Variants in CDH3 observed in about 807,000 individuals in gnomAD.
CDH3 encodes cadherin-3.
CDH3 carries 54 observed loss-of-function variants against 82.0 expected under a neutral mutation model. The observed-to-expected ratio is 0.66, with a 90% CI of 0.53 to 0.83. The LOEUF is 0.83. CDH3 is among the 40% of genes least tolerant of loss of function. CDH3 has a pLI of 0.00. For synonymous variants in CDH3, 446 were observed against 437.9 expected (o/e 1.02, Z -0.23); for missense variants, 1,054 against 1,084.6 (o/e 0.97, Z 0.40).
chr16:68,711,787 C>G (rs977683502), intron 1 of CDH3, among the ~76,000 whole-genome samples: 20 of 152,168 alleles, frequency 1.3e-4, no homozygotes, highest in Admixed American at 5.9e-4. Flanking sequence ...GGCACTGACT[C>G]ACAGAGAGGA....
intron 1 of CDH3, among the ~76,000 whole-genome samples, chr16:68,715,268 A>G (rs1016378922): frequency 1.3e-4 from 20 of 151,774 alleles, no homozygotes; most frequent in Non-Finnish European, 2.9e-5. Flanking sequence ...TCTACTAAAA[A>G]TACAAAAAAT....
chr16:68,729,676 G>A (rs1182053574), downstream of CDH3, among the ~76,000 whole-genome samples: 8 of 152,034 alleles, frequency 5.3e-5, no homozygotes, highest in Admixed American at 3.3e-4. Context: ...TCTCTTGCCC[G>A]GCTGGAGTGC....
At chr16:68,704,575 G>A (rs1039972958), downstream of CDH3, among the ~76,000 whole-genome samples, 1 of 152,234 alleles carries the variant, frequency 6.6e-6, no homozygotes, top group Non-Finnish European at 1.5e-5. Flanking sequence ...CAGCCCAAGC[G>A]CCAGGTCTGC....
downstream of CDH3, among the ~76,000 whole-genome samples, chr16:68,728,252 G>A (rs1321572918): frequency 1.3e-5 from 2 of 152,166 alleles, no homozygotes; most frequent in African/African-American, 2.4e-5. Context: ...TGCAAGCTCC[G>A]CCTCCCGGGT....
intron 2 of CDH3, among the ~76,000 whole-genome samples, chr16:68,655,271 A>G (rs534571518): frequency 6.6e-6 from 1 of 152,250 alleles, no homozygotes; most frequent in East Asian, 1.9e-4. Flanking sequence ...TTATAGAAAC[A>G]GTGAAGTGTC....
intron 2 of CDH3, among the ~76,000 whole-genome samples, chr16:68,647,578 TGCGCTCG>T (rs1158568034): frequency 6.6e-6 from 1 of 152,164 alleles, no homozygotes. Flanking sequence ...GACGGGTTAA[TGCGCTCG>T]GCGCACCTTG....
the CDH3 span, among the ~76,000 whole-genome samples, chr16:68,732,779 C>A: frequency 1.1e-4 from 16 of 152,180 alleles, no homozygotes; most frequent in Non-Finnish European, 2.2e-4. Context: ...TCCACAGACA[C>A]CAGGTTAAAA....
intron 2 of CDH3, among the ~76,000 whole-genome samples, chr16:68,674,295 C>T (rs1488757371): frequency 6.6e-6 from 1 of 152,108 alleles, no homozygotes; most frequent in Non-Finnish European, 1.5e-5. Flanking sequence ...TGATATTGAG[C>T]ATCTTTTCAT....
rs1034245167 is a variant in CDH3 at position 68,693,005 on chromosome 16, G to A, written c.2002+1079G>A. ...TGTAATCCCAGTTACTTGGGAGGCT[G>A]AGGCAGGAGAATCACTTGAACCCAG... On this transcript the variant is annotated intron_variant, in intron 13 of 15. Coordinates refer to ENST00000264012, the MANE Select transcript of CDH3 (RefSeq NM_001793.6). Among the ~76,000 whole-genome samples the A allele has an allele frequency of 2.2e-4, 34 of 152,204 alleles. 1 individual carries two copies. Among genetic ancestry groups the A allele is most frequent in the Non-Finnish European group, 1.3e-4 (9 of 68,040 alleles).
In CDH3 at chr16:68,699,019, A is replaced by G. The variant is rs1423971732; in HGVS notation, c.*619A>G. 2 of 152,390 alleles carry G rather than the reference A, an allele frequency of 1.3e-5. No homozygotes were observed. The highest frequency in any genetic ancestry group is 2.9e-5 in the Non-Finnish European group (2 of 68,118). The allele number at this position is 152,390 out of a possible 1,614,324, so 9.4% of individuals were successfully genotyped here. On this transcript the variant is annotated 3_prime_UTR_variant, in exon 16 of 16. Transcript: ENST00000264012. ...CGTGTATATGTACTAGAACTTTTTT[A>G]TTAAAGAAACTTTTCCCAGAGGTGC...
rs1961440939 is a variant in CDH3, at chr16:68,687,374, G to A, written c.1571-138G>A. On this transcript the variant is annotated intron_variant, in intron 11 of 15. Coordinates refer to ENST00000264012, the MANE Select transcript of CDH3 (RefSeq NM_001793.6). ...CAGAAATGAGAATGATGGCTCAACTGGCATGTATGTGCCATGTATTGGAAG... is the reference window on the plus strand; with the variant it reads ...CAGAAATGAGAATGATGGCTCAACTAGCATGTATGTGCCATGTATTGGAAG... 5.9e-6 allele frequency: 4 copies of A among 679,262 alleles called. No homozygotes were observed. In the South Asian group the frequency reaches 6.6e-5, roughly 11 times the overall value. 42.1% of individuals were successfully genotyped at this position (679,262 alleles called of 1,614,324 possible). A position where few individuals can be genotyped will look rare whatever the true frequency, so the allele number is the denominator to read the frequency against.
chr16:68,732,057 T>C (rs1382885298), downstream of CDH3, among the ~76,000 whole-genome samples: 1 of 151,666 alleles, frequency 6.6e-6, no homozygotes, highest in Non-Finnish European at 1.5e-5. Context: ...AACTGTTTTT[T>C]TTTTTTTGCA....
rs1285088476 is a variant in CDH3 at position 68,700,043 on chromosome 16, G to C, written c.*1643G>C. 4 of 152,076 alleles carry C rather than the reference G, an allele frequency of 2.6e-5. No individual in the cohort carries two copies. Among genetic ancestry groups the C allele is most frequent in the Non-Finnish European group, 5.9e-5 (4 of 68,030 alleles). 9.4% of individuals were successfully genotyped at this position (152,076 alleles called of 1,614,324 possible). A position where few individuals can be genotyped will look rare whatever the true frequency, so the allele number is the denominator to read the frequency against. ...CCACATTGTATTTGTTTTTTTAAAT[G>C]ACATCTGGTCATCATCGAAATCAAG... On this transcript the variant is annotated 3_prime_UTR_variant, in exon 16 of 16. Coordinates refer to ENST00000264012, the MANE Select transcript of CDH3 (RefSeq NM_001793.6).
downstream of CDH3, among the ~76,000 whole-genome samples, chr16:68,703,806 G>A (rs1961925373): frequency 1.3e-5 from 2 of 152,062 alleles, no homozygotes; most frequent in African/African-American, 2.4e-5. Context: ...AATTAGCTGG[G>A]CATGGTGGTG....
chr16:68,695,475 G>C lies in CDH3; in HGVS notation c.2133+90G>C, dbSNP rs1961694501. 6 of 1,328,532 alleles carry C rather than the reference G, an allele frequency of 4.5e-6. No homozygotes were observed. The Admixed American group carries it at 1.0e-4, about 22-fold the overall frequency. The allele number at this position is 1,328,532 out of a possible 1,614,324, so 82.3% of individuals were successfully genotyped here. A position where few individuals can be genotyped will look rare whatever the true frequency, so the allele number is the denominator to read the frequency against. On this transcript the variant is annotated intron_variant, in intron 14 of 15. Transcript: ENST00000264012. The stretch of plus-strand genomic sequence containing the variant: ...GGTCAACCAACTGACCAAGTTAGCT[G>C]TGTTGACCAGGCCCTGGCATGAAGC...
intron 2 of CDH3, among the ~76,000 whole-genome samples, chr16:68,675,822 G>T (rs1257535745): frequency 6.6e-6 from 1 of 151,480 alleles, no homozygotes; most frequent in African/African-American, 2.4e-5. Flanking sequence ...AGAAAAAAAA[G>T]TGGGGGATAA....
intron 2 of CDH3, among the ~76,000 whole-genome samples, chr16:68,658,525 T>C (rs1451433495): frequency 6.6e-6 from 1 of 152,130 alleles, no homozygotes; most frequent in Non-Finnish European, 1.5e-5. Flanking sequence ...AGGGTTCGGC[T>C]GCTCTCCTGG....
At chr16:68,660,462 C>G (rs1234514446) in intron 2 of CDH3, among the ~76,000 whole-genome samples, 1 of 152,130 alleles carries the variant, frequency 6.6e-6, no homozygotes, top group Non-Finnish European at 1.5e-5. Flanking sequence ...GCATTTTTTT[C>G]TCAAGTTTTT....
At chr16:68,687,451 G>GA (rs1961443449) in intron 11 of CDH3, 61 bp from the exon 12 acceptor site, 6 of 1,357,364 alleles carry the variant, frequency 4.4e-6, no homozygotes. Flanking sequence ...AACAGGAGGA[G>GA]CCCCCCTGAG....
Sources: allele counts gnomAD v4.1 joint callset (sites outside exome capture counted in the v4.1 genomes callset), GRCh38; gene constraint gnomAD v4.1.1; transcripts MANE v1.5; gene names NCBI Gene and HGNC (gene_info 2026-07-23, HGNC 2026-07-21).